SPOCK1: variants seen among roughly 807,000 people sequenced by gnomAD.
SPOCK1 encodes the protein SPARC (osteonectin), cwcv and kazal like domains proteoglycan 1.
Under a neutral mutation model 55.3 loss-of-function variants are expected in SPOCK1, and 23 were observed. The observed-to-expected ratio is 0.42, with a 90% CI of 0.30 to 0.59. The LOEUF (loss-of-function observed/expected upper bound fraction) is 0.59. Ranked by LOEUF, SPOCK1 falls within the 20% of genes least tolerant of loss-of-function variation. SPOCK1 has a pLI of 0.22. For synonymous variants in SPOCK1, 226 were observed against 221.0 expected (o/e 1.02, Z -0.20); for missense variants, 499 against 552.5 (o/e 0.90, Z 0.97).
chr5:137,420,505 T>C (rs1164884698), intron 2 of SPOCK1, among the ~76,000 whole-genome samples: 1 of 152,234 alleles, frequency 6.6e-6, no homozygotes, highest in East Asian at 1.9e-4. Context: ...GAGATTCAAC[T>C]TCTTCCTGGT....
intron 2 of SPOCK1, among the ~76,000 whole-genome samples, chr5:137,277,371 A>G (rs1009774634): frequency 1.3e-5 from 2 of 152,196 alleles, no homozygotes; most frequent in Non-Finnish European, 2.9e-5. Context: ...TTAGAGAGAT[A>G]AAATTACTAT....
chr5:137,208,839 A>G (rs552113491), intron 3 of SPOCK1, among the ~76,000 whole-genome samples: 1 of 152,306 alleles, frequency 6.6e-6, no homozygotes, highest in East Asian at 1.9e-4. Flanking sequence ...AAACCTGCAC[A>G]TGTACCCCCT....
intron 2 of SPOCK1, among the ~76,000 whole-genome samples, chr5:137,354,516 C>A (rs1750749802): frequency 6.6e-6 from 1 of 152,196 alleles, no homozygotes; most frequent in Non-Finnish European, 1.5e-5. Context: ...CCACCCCCAA[C>A]TGTGAGCTCC....
intron 3 of SPOCK1, among the ~76,000 whole-genome samples, chr5:137,181,675 G>C (rs1754972607): frequency 6.6e-6 from 1 of 152,236 alleles, no homozygotes; most frequent in Non-Finnish European, 1.5e-5. Flanking sequence ...ACGGGCGCTA[G>C]AAACTTTGGA....
chr5:137,107,407 A>G (rs1753389637), intron 5 of SPOCK1, among the ~76,000 whole-genome samples: 1 of 152,202 alleles, frequency 6.6e-6, no homozygotes, highest in African/African-American at 2.4e-5. Flanking sequence ...AGCCAAGCGA[A>G]GGGTCAGAGT....
chr5:137,215,589 C>A (rs1014586), intron 3 of SPOCK1, among the ~76,000 whole-genome samples: 60,588 of 152,010 alleles, frequency 0.4, 13,187 homozygotes, highest in Non-Finnish European at 0.48. Flanking sequence ...AGTAGAATTC[C>A]AAATGTGTAT....
At chr5:137,399,969 G>T (rs1480319329) in intron 2 of SPOCK1, among the ~76,000 whole-genome samples, 1 of 152,138 alleles carries the variant, frequency 6.6e-6, no homozygotes, top group Non-Finnish European at 1.5e-5. Context: ...TTCTGGACTT[G>T]CTATCTCTGA....
chr5:137,492,651 T>C (rs1197677401), intron 2 of SPOCK1, among the ~76,000 whole-genome samples: 1 of 152,238 alleles, frequency 6.6e-6, no homozygotes, highest in African/African-American at 2.4e-5. Context: ...AGATGATAAA[T>C]AATCTGAGAT....
At chr5:137,051,953 T>C (rs2126998135) in intron 6 of SPOCK1, among the ~76,000 whole-genome samples, 1 of 152,318 alleles carries the variant, frequency 6.6e-6, no homozygotes, top group East Asian at 1.9e-4. Flanking sequence ...CCCCAGCATC[T>C]AGGTAGGACC....
chr5:137,170,426 C>T (rs1043071145), intron 3 of SPOCK1, among the ~76,000 whole-genome samples: 1 of 152,128 alleles, frequency 6.6e-6, no homozygotes, highest in African/African-American at 2.4e-5. Context: ...TGAATTCTGT[C>T]CCTCCCAAAA....
intron 2 of SPOCK1, among the ~76,000 whole-genome samples, chr5:137,445,647 TC>T (rs1238058220): frequency 1.3e-5 from 2 of 152,230 alleles, no homozygotes; most frequent in Non-Finnish European, 2.9e-5. Flanking sequence ...TCTTCCATTT[TC>T]AAAATGATTT....
intron 2 of SPOCK1, among the ~76,000 whole-genome samples, chr5:137,310,340 G>A (rs1757768235): frequency 6.6e-6 from 1 of 152,222 alleles, no homozygotes; most frequent in Non-Finnish European, 1.5e-5. Flanking sequence ...AGACCTCGCT[G>A]TAATTATAAA....
At chr5:137,024,257 C>T (rs6899247) in intron 6 of SPOCK1, among the ~76,000 whole-genome samples, 93,601 of 146,708 alleles carry the variant, frequency 0.64, 33,327 homozygotes, top group Non-Finnish European at 0.81. Context: ...AAATTATGTT[C>T]GGCTGCTGAT....
intron 3 of SPOCK1, among the ~76,000 whole-genome samples, chr5:137,247,427 A>G (rs1343240666): frequency 6.6e-6 from 1 of 152,190 alleles, no homozygotes; most frequent in African/African-American, 2.4e-5. Flanking sequence ...TACCCATATC[A>G]TCCTATGATT....
At chr5:137,177,205 C>T (rs914966806) in intron 3 of SPOCK1, among the ~76,000 whole-genome samples, 1 of 152,154 alleles carries the variant, frequency 6.6e-6, no homozygotes, top group Admixed American at 6.5e-5. Flanking sequence ...TTAGTAGCTG[C>T]AGAAATTCCT....
intron 2 of SPOCK1, among the ~76,000 whole-genome samples, chr5:137,269,378 T>C (rs1436733490): frequency 6.6e-6 from 1 of 152,188 alleles, no homozygotes; most frequent in Non-Finnish European, 1.5e-5. Context: ...CCAGAGCTGA[T>C]AAACCTTTGT....
At position 136,977,685 on chromosome 5, in the gene SPOCK1, C is replaced by T; in HGVS notation, c.*969G>A. The T allele has an allele frequency of 2.5e-6, 1 of 397,642 alleles. No individual in the cohort carries two copies. Among genetic ancestry groups the T allele is most frequent in the Non-Finnish European group, 4.4e-6 (1 of 225,592 alleles). The allele number at this position is 397,642 out of a possible 1,614,324, so 24.6% of individuals were successfully genotyped here. On this transcript the variant is annotated 3_prime_UTR_variant, in exon 11 of 11. Coordinates refer to ENST00000394945, the MANE Select transcript of SPOCK1 (RefSeq NM_004598.4). ...GAAAGAGATGGCTTGTGAAGCTGCC[C>T]GTGTCGTGTGGGAGTCGCATGGCTT...
intron 2 of SPOCK1, among the ~76,000 whole-genome samples, chr5:137,302,445 C>CG (rs1757615475): frequency 1.3e-5 from 2 of 150,090 alleles, no homozygotes; most frequent in Non-Finnish European, 3.0e-5. Flanking sequence ...GGTGTGGTGG[C>CG]ACGCACCTGT....
At chr5:137,400,737 G>A (rs1425516612) in intron 2 of SPOCK1, among the ~76,000 whole-genome samples, 1 of 152,140 alleles carries the variant, frequency 6.6e-6, no homozygotes, top group East Asian at 1.9e-4. Flanking sequence ...GGGCCCTTGA[G>A]AAGACTTAAG....
Sources: gnomAD v4.1 joint callset for allele counts (sites outside exome capture counted in the v4.1 genomes callset) on GRCh38, gnomAD v4.1.1 for gene constraint, MANE v1.5 for transcripts, NCBI Gene and HGNC (gene_info 2026-07-23, HGNC 2026-07-21) for gene names.